SP140: variants seen among roughly 807,000 people sequenced by gnomAD.
SP140 encodes nuclear body protein SP140.
SP140 carries 81 observed loss-of-function variants against 125.0 expected under a neutral mutation model. The ratio of observed to expected loss-of-function variants is 0.65; its 90% confidence interval spans 0.54 to 0.78. The LOEUF is 0.78. SP140 is among the 30% of genes least tolerant of loss of function. SP140 has a pLI of 0.00. For synonymous variants in SP140, 312 were observed against 354.0 expected (o/e 0.88, Z 1.33); for missense variants, 858 against 1,037.0 (o/e 0.83, Z 2.37).
intron 19 of SP140, 109 bp from the exon 20 acceptor site, chr2:230,292,537 A>G (rs997185755): frequency 1.2e-5 from 17 of 1,419,258 alleles, no homozygotes; most frequent in African/African-American, 7.1e-5. Flanking sequence ...CTCTCCTGCT[A>G]TTGATCTGCA....
At chr2:230,281,781 A>T (rs1473228539) in intron 15 of SP140, among the ~76,000 whole-genome samples, 1 of 152,184 alleles carries the variant, frequency 6.6e-6, no homozygotes, top group Non-Finnish European at 1.5e-5. Context: ...ATCTGGATAT[A>T]CCAAATTTTG....
chr2:230,246,124 T>G (rs1244995704), intron 7 of SP140, among the ~76,000 whole-genome samples, 184 bp downstream of exon 7: 1 of 152,082 alleles, frequency 6.6e-6, no homozygotes, highest in East Asian at 1.9e-4. Context: ...CATCCATCCA[T>G]CCAGCCATCC....
At chr2:230,222,778 C>T (rs1303092284), upstream of SP140, among the ~76,000 whole-genome samples, 2 of 150,520 alleles carry the variant, frequency 1.3e-5, no homozygotes, top group African/African-American at 4.9e-5. Flanking sequence ...CTCCTTAAGG[C>T]CAGCACCAGG....
intron 13 of SP140, 96 bp from the exon 14 acceptor site, chr2:230,269,741 C>A: frequency 1.8e-6 from 2 of 1,138,102 alleles, no homozygotes; most frequent in Non-Finnish European, 2.6e-6. Context: ...GAGAAGATTT[C>A]AGAGGAAAAA....
chr2:230,268,928 A>G (rs971614812), intron 12 of SP140, among the ~76,000 whole-genome samples: 3 of 152,232 alleles, frequency 2.0e-5, no homozygotes, highest in Non-Finnish European at 4.4e-5. Context: ...AAGCTGATTT[A>G]TTCCTAGCTA....
intron 3 of SP140, among the ~76,000 whole-genome samples, chr2:230,218,396 C>A (rs7573954): frequency 6.6e-6 from 1 of 151,944 alleles, no homozygotes; most frequent in African/African-American, 2.4e-5. Flanking sequence ...AGAAAAGATG[C>A]CATTGAGAGT....
At chr2:230,242,631 C>T (rs918633175) in intron 4 of SP140, among the ~76,000 whole-genome samples, 1 of 152,104 alleles carries the variant, frequency 6.6e-6, no homozygotes, top group African/African-American at 2.4e-5. Flanking sequence ...CTTCATTGCT[C>T]AAGTTAGATC....
chr2:230,302,249 C>A (rs1403119724), intron 22 of SP140, among the ~76,000 whole-genome samples: 1 of 151,682 alleles, frequency 6.6e-6, no homozygotes, highest in African/African-American at 2.4e-5. Flanking sequence ...AAAAAATTAG[C>A]TGGGCGTGGT....
At chr2:230,218,394 T>C (rs2045462310) in intron 3 of SP140, among the ~76,000 whole-genome samples, 1 of 152,114 alleles carries the variant, frequency 6.6e-6, no homozygotes, top group South Asian at 2.1e-4. Context: ...CAAGAAAAGA[T>C]GCCATTGAGA....
intron 3 of SP140, chr2:230,238,909 C>T (rs1415317105): frequency 6.5e-7 from 1 of 1,549,858 alleles, no homozygotes; most frequent in East Asian, 2.4e-5. Context: ...TGGTGGGGGC[C>T]TTTCCGAACC....
intron 26 of SP140, among the ~76,000 whole-genome samples, chr2:230,311,860 A>G (rs1466048834): frequency 6.6e-6 from 1 of 152,226 alleles, no homozygotes. Flanking sequence ...AGAGAGAGCA[A>G]TTGAATCCTG....
intron 12 of SP140, among the ~76,000 whole-genome samples, chr2:230,265,708 T>C (rs1440612210): frequency 6.6e-6 from 1 of 151,968 alleles, no homozygotes; most frequent in Non-Finnish European, 1.5e-5. Flanking sequence ...AAACAGACCT[T>C]CAGCTTCTCC....
intron 22 of SP140, among the ~76,000 whole-genome samples, chr2:230,304,583 G>A (rs925991442): frequency 7.9e-5 from 12 of 152,050 alleles, no homozygotes; most frequent in African/African-American, 2.7e-4. Flanking sequence ...TGGAACAGAA[G>A]AAAGGACCCA....
chr2:230,216,825 C>T, intron 3 of SP140: 1 of 1,614,042 alleles, frequency 6.2e-7, no homozygotes, highest in Admixed American at 1.7e-5. Flanking sequence ...AGGAGGCCTT[C>T]AAAGAAGGGA....
intron 9 of SP140, among the ~76,000 whole-genome samples, chr2:230,250,749 A>G (rs1361951657): frequency 3.3e-5 from 5 of 152,158 alleles, no homozygotes; most frequent in Admixed American, 3.3e-4. Flanking sequence ...GGGGAGAAGG[A>G]GAGAGAATTA....
intron 1 of SP140, among the ~76,000 whole-genome samples, chr2:230,205,136 AAC>A (rs1288159999): frequency 3.3e-5 from 5 of 152,216 alleles, no homozygotes; most frequent in African/African-American, 9.7e-5. Context: ...GAAGAGGGTG[AAC>A]CAATAGACCT....
At chr2:230,305,680 G>A (rs371526794) in intron 22 of SP140, among the ~76,000 whole-genome samples, 4 of 152,228 alleles carry the variant, frequency 2.6e-5, no homozygotes, top group Non-Finnish European at 2.9e-5. Context: ...GGTCGGGCCC[G>A]AACGCGGAGC....
At chr2:230,298,568 A>G (rs1383863986) in intron 22 of SP140, among the ~76,000 whole-genome samples, 1 of 152,140 alleles carries the variant, frequency 6.6e-6, no homozygotes, top group Non-Finnish European at 1.5e-5. Flanking sequence ...TCACAGCCAG[A>G]TATGTGTGGG....
intron 15 of SP140, 184 bp downstream of exon 15, chr2:230,270,823 A>G: frequency 3.0e-6 from 2 of 663,196 alleles, no homozygotes; most frequent in East Asian, 6.2e-5. Context: ...CTTACATGAC[A>G]AAAGGGACTT....
Sources: gnomAD v4.1 joint callset for allele counts (sites outside exome capture counted in the v4.1 genomes callset) on GRCh38, gnomAD v4.1.1 for gene constraint, MANE v1.5 for transcripts, NCBI Gene and HGNC (gene_info 2026-07-23, HGNC 2026-07-21) for gene names.